GAS2L3: variants seen among roughly 807,000 people sequenced by gnomAD.
GAS2L3 encodes GAS2-like protein 3.
GAS2L3 carries 28 observed loss-of-function variants against 37.0 expected under a neutral mutation model. That is an observed-to-expected ratio of 0.76 (90% confidence interval 0.56 to 1.04). GAS2L3 has a LOEUF of 1.04. Ranked by LOEUF, GAS2L3 falls within the 50% of genes least tolerant of loss-of-function variation. The pLI is 0.00. For missense variants in GAS2L3, 793 were observed against 817.6 expected, an observed-to-expected ratio of 0.97 and a Z score of 0.37; for synonymous variants, 290 against 296.6, an observed-to-expected ratio of 0.98 and a Z score of 0.23.
Position 100,601,225 on chromosome 12 carries a change from A to G in GAS2L3, c.188-413A>G, listed in dbSNP as rs76984110. On this transcript the variant is annotated intron_variant, in intron 4 of 9. Coordinates refer to ENST00000547754, the MANE Select transcript of GAS2L3 (RefSeq NM_174942.3). ...TGATGGATAATATTTAGAGTTTATT[A>G]TGTAATAATAATGTTTTTAAAGAAG... Among the ~76,000 whole-genome samples the G allele has an allele frequency of 3.3e-3, 502 of 152,252 alleles. 5 individuals are homozygous for G. Among genetic ancestry groups the G allele is most frequent in the African/African-American group, 0.011 (472 of 41,562 alleles).
At position 100,624,342 on chromosome 12, in the gene GAS2L3, CCTT is replaced by C. The variant is rs1216993333; in HGVS notation, c.1541_1543del (p.Ser514del). ...AGCAAATATACCTGTAAGACCTAAA[CCTT>C]CTTTCCAGTCCTCTGCAAAAATGAC... On this transcript the variant is annotated inframe_deletion, in exon 10 of 10. Transcript: ENST00000547754. The C allele has an allele frequency of 6.2e-7, 1 of 1,613,968 alleles. No homozygotes were observed. The highest frequency in any genetic ancestry group is 8.5e-7 in the Non-Finnish European group (1 of 1,179,972).
intron 4 of GAS2L3, among the ~76,000 whole-genome samples, chr12:100,601,075 A>G (rs1474868041): frequency 6.6e-6 from 1 of 152,116 alleles, no homozygotes; most frequent in African/African-American, 2.4e-5. Context: ...CTCCCCAGAA[A>G]AATTTTACTT....
intron 1 of GAS2L3, among the ~76,000 whole-genome samples, chr12:100,582,382 T>G (rs771667295): frequency 8.5e-5 from 13 of 152,192 alleles, no homozygotes; most frequent in Non-Finnish European, 1.8e-4. Flanking sequence ...TTGTGGTTCT[T>G]CAGTTGCTTC....
At chr12:100,595,505 A>G (rs910453334) in intron 3 of GAS2L3, among the ~76,000 whole-genome samples, 1 of 151,216 alleles carries the variant, frequency 6.6e-6, no homozygotes, top group Non-Finnish European at 1.5e-5. Flanking sequence ...TGTTTGCTAT[A>G]TTATTCTTAT....
chr12:100,595,545 AG>A (rs1225514454), intron 3 of GAS2L3, among the ~76,000 whole-genome samples: 1 of 151,930 alleles, frequency 6.6e-6, no homozygotes, highest in African/African-American at 2.4e-5. Context: ...TTGTATAAAA[AG>A]AACATGATTG....
chr12:100,618,319 A>C (rs1956212697), intron 7 of GAS2L3, 130 bp from the exon 8 acceptor site: 1 of 868,832 alleles, frequency 1.2e-6, no homozygotes. Context: ...GCATTTTCAA[A>C]TATCCCAGTG....
chr12:100,616,347 T>C (rs1302232272), intron 6 of GAS2L3, among the ~76,000 whole-genome samples: 1 of 152,232 alleles, frequency 6.6e-6, no homozygotes, highest in Non-Finnish European at 1.5e-5. Flanking sequence ...ACTTGCTTAT[T>C]AGCTCTAACA....
chr12:100,590,408 C>A (rs930008370), intron 1 of GAS2L3, among the ~76,000 whole-genome samples: 3 of 152,028 alleles, frequency 2.0e-5, no homozygotes, highest in Non-Finnish European at 4.4e-5. Context: ...ATCAAAAAAT[C>A]AAAAAACAAT....
At position 100,573,689 on chromosome 12, in the gene GAS2L3, G is replaced by A; in HGVS notation, c.-248G>A. ...GGCTACTGACCCTGAGGCCCAGGCG[G>A]CGGCGGCAGCGGCGGCGGTTGGTCA... On this transcript the variant is annotated 5_prime_UTR_variant, in exon 1 of 10. Coordinates refer to ENST00000547754, the MANE Select transcript of GAS2L3 (RefSeq NM_174942.3). 1 of 158,268 alleles carries A rather than the reference G, an allele frequency of 6.3e-6. No homozygotes were observed. Among genetic ancestry groups the A allele is most frequent in the Non-Finnish European group, 1.4e-5 (1 of 72,368 alleles). 9.8% of individuals were successfully genotyped at this position (158,268 alleles called of 1,614,324 possible).
At chr12:100,591,367 A>G (rs1372096562) in intron 1 of GAS2L3, among the ~76,000 whole-genome samples, 1 of 152,216 alleles carries the variant, frequency 6.6e-6, no homozygotes, top group Admixed American at 6.5e-5. Flanking sequence ...TGAAGGGACT[A>G]TGTTAAATAA....
At chr12:100,590,492 TG>T (rs1309182741) in intron 1 of GAS2L3, among the ~76,000 whole-genome samples, 1 of 152,216 alleles carries the variant, frequency 6.6e-6, no homozygotes, top group African/African-American at 2.4e-5. Context: ...GTACAGATGC[TG>T]TGGAAAACAG....
intron 1 of GAS2L3, among the ~76,000 whole-genome samples, chr12:100,589,569 A>G (rs1482268433): frequency 2.0e-5 from 3 of 152,190 alleles, no homozygotes; most frequent in Admixed American, 2.0e-4. Context: ...ATTAGAAAAA[A>G]CAATTCTAAA....
Position 100,626,244 on chromosome 12 carries a change from C to T in GAS2L3, c.*1354C>T, listed in dbSNP as rs1956331066. 1 of 152,142 alleles carries T rather than the reference C, an allele frequency of 6.6e-6. No individual in the cohort carries two copies. Among genetic ancestry groups the T allele is most frequent in the Admixed American group, 6.6e-5 (1 of 15,266 alleles). 9.4% of individuals were successfully genotyped at this position (152,142 alleles called of 1,614,324 possible). On this transcript the variant is annotated 3_prime_UTR_variant, in exon 10 of 10. Transcript: ENST00000547754. ...TTCTGAAGAAAAAAATAATAGTTTACACAAATGTACAATCATAGAATAAGC... is the reference window on the plus strand; with the variant it reads ...TTCTGAAGAAAAAAATAATAGTTTATACAAATGTACAATCATAGAATAAGC...
chr12:100,573,932 A>C (rs1955603182), intron 1 of GAS2L3, 147 bp downstream of exon 1: 1 of 152,144 alleles, frequency 6.6e-6, no homozygotes, highest in South Asian at 2.1e-4. Context: ...CGGCTGCGGG[A>C]GCCAGTACGC....
chr12:100,609,985 T>C (rs1345116188), intron 5 of GAS2L3, among the ~76,000 whole-genome samples: 3 of 152,250 alleles, frequency 2.0e-5, no homozygotes, highest in Non-Finnish European at 4.4e-5. Flanking sequence ...CTCTCAGTGA[T>C]ACGAAATTAA....
Position 100,624,319 on chromosome 12 carries a change from C to A in GAS2L3, c.1514C>A (p.Ala505Glu). 1 of 1,614,018 alleles carries A rather than the reference C, an allele frequency of 6.2e-7. No homozygotes were observed. Among genetic ancestry groups the A allele is most frequent in the Non-Finnish European group, 8.5e-7 (1 of 1,180,004 alleles). Reference sequence around the variant, plus strand: ...TCAAAATGTCCCAAGCTGCCTAAAGCAAATATACCTGTAAGACCTAAACCT... The same window carrying A: ...TCAAAATGTCCCAAGCTGCCTAAAGAAAATATACCTGTAAGACCTAAACCT... ...SSSKCPKLPK[A>E]NIPVRPKPSF... The change falls in exon 10 of 10, where the codon GCA (alanine) becomes GAA (glutamate). Residue 505 changes from alanine to glutamate, a missense_variant. Physicochemically the swap from Ala to Glu is moderately radical, Grantham distance 107. Coordinates refer to ENST00000547754, the MANE Select transcript of GAS2L3 (RefSeq NM_174942.3).
intron 5 of GAS2L3, among the ~76,000 whole-genome samples, chr12:100,608,223 T>C (rs1956080348): frequency 6.6e-6 from 1 of 152,120 alleles, no homozygotes; most frequent in South Asian, 2.1e-4. Flanking sequence ...CTTTACTTTA[T>C]CCGAAACAAA....
rs529937104 is a variant in GAS2L3, at chr12:100,575,201, A to C, written c.-152+1416A>C. On this transcript the variant is annotated intron_variant, in intron 1 of 9. Coordinates refer to ENST00000547754, the MANE Select transcript of GAS2L3 (RefSeq NM_174942.3). Reference sequence around the variant, plus strand: ...TTAGCACAGTGCCTGATACATAGCTATTATTATTTCTCTGCTGTTTAACTT... The same window carrying C: ...TTAGCACAGTGCCTGATACATAGCTCTTATTATTTCTCTGCTGTTTAACTT... 2.0e-5 allele frequency among the ~76,000 whole-genome samples: 3 copies of C among 152,194 alleles called. No homozygotes were observed. The South Asian group carries it at 6.2e-4, about 32-fold the overall frequency.
intron 5 of GAS2L3, among the ~76,000 whole-genome samples, chr12:100,604,543 A>C (rs1956033423): frequency 6.6e-6 from 1 of 150,914 alleles, no homozygotes. Context: ...ATCTGCAAAC[A>C]AGAATATTTA....
Sources: allele counts gnomAD v4.1 joint callset (sites outside exome capture counted in the v4.1 genomes callset), GRCh38; gene constraint gnomAD v4.1.1; transcripts MANE v1.5; gene names NCBI Gene and HGNC (gene_info 2026-07-23, HGNC 2026-07-21).